PLAG1: variants seen among roughly 807,000 people sequenced by gnomAD.
PLAG1 encodes PLAG1 zinc finger.
PLAG1 carries 7 observed loss-of-function variants against 35.5 expected under a neutral mutation model. That is an observed-to-expected ratio of 0.20 (90% CI 0.11 to 0.37). The LOEUF (loss-of-function observed/expected upper bound fraction) is 0.37, where lower values mean the gene tolerates loss of function less well. Among genes scored for constraint, PLAG1 ranks in the 10% least tolerant of loss-of-function variants. PLAG1 has a pLI of 1.00. For missense variants in PLAG1, 454 were observed against 602.8 expected, an observed-to-expected ratio of 0.75 and a Z score of 2.58; for synonymous variants, 229 against 225.4, an observed-to-expected ratio of 1.02 and a Z score of -0.14.
chr8:56,189,581 G>C (rs1812123966), intron 1 of PLAG1, among the ~76,000 whole-genome samples: 1 of 152,090 alleles, frequency 6.6e-6, no homozygotes, highest in Non-Finnish European at 1.5e-5. Flanking sequence ...CTAGTAAGGA[G>C]GTATCCCAAA....
At chr8:56,174,155 TAGTA>T (rs898558998) in intron 2 of PLAG1, among the ~76,000 whole-genome samples, 1 of 152,204 alleles carries the variant, frequency 6.6e-6, no homozygotes, top group African/African-American at 2.4e-5. Flanking sequence ...AAGATGCCTT[TAGTA>T]AGTAATTCAG....
At chr8:56,191,897 T>C (rs533441206) in intron 1 of PLAG1, among the ~76,000 whole-genome samples, 1 of 151,766 alleles carries the variant, frequency 6.6e-6, no homozygotes, top group Non-Finnish European at 1.5e-5. Flanking sequence ...AAGCATTTCA[T>C]ATTGAGGAAT....
chr8:56,184,919 T>G (rs1474569722), intron 1 of PLAG1, among the ~76,000 whole-genome samples: 1 of 152,102 alleles, frequency 6.6e-6, no homozygotes, highest in East Asian at 1.9e-4. Context: ...TGCACTCCAG[T>G]CTGGGTGACA....
chr8:56,207,059 G>A (rs1270650490), intron 1 of PLAG1, among the ~76,000 whole-genome samples: 5 of 151,832 alleles, frequency 3.3e-5, no homozygotes, highest in Non-Finnish European at 7.4e-5. Context: ...AGTTTCTTCA[G>A]TAAAACTTTT....
chr8:56,201,587 A>C (rs1812554746), intron 1 of PLAG1, among the ~76,000 whole-genome samples: 1 of 152,182 alleles, frequency 6.6e-6, no homozygotes. Context: ...TAAATATATG[A>C]ACTTCAATAT....
intron 1 of PLAG1, among the ~76,000 whole-genome samples, chr8:56,199,730 C>G (rs960308077): frequency 7.0e-6 from 1 of 142,512 alleles, no homozygotes; most frequent in African/African-American, 3.1e-5. Flanking sequence ...TCTCCACCAC[C>G]CCCCCCGATC....
In PLAG1 at chr8:56,186,189, T is replaced by C. The variant is rs556326127; in HGVS notation, c.-321-6676A>G. 7.6e-4 allele frequency among the ~76,000 whole-genome samples: 116 copies of C among 152,286 alleles called. 1 individual carries two copies. The Middle Eastern group carries it at 0.014, about 18-fold the overall frequency. On this transcript the variant is annotated intron_variant, in intron 1 of 4. Coordinates refer to ENST00000316981, the MANE Select transcript of PLAG1 (RefSeq NM_002655.3). ...GGGCTTAAACTTTAAAAATTATTTG[T>C]ATAATTGACAAATTATCTTAAGTGT...
rs1811242354 is a variant in PLAG1 at position 56,162,788 on chromosome 8, T to C, written c.*3455A>G. The C allele has an allele frequency of 4.7e-6, 1 of 212,746 alleles. No homozygotes were observed. Among genetic ancestry groups the C allele is most frequent in the African/African-American group, 2.3e-5 (1 of 44,180 alleles). The allele number at this position is 212,746 out of a possible 1,614,324, so 13.2% of individuals were successfully genotyped here. A position where few individuals can be genotyped will look rare whatever the true frequency, so the allele number is the denominator to read the frequency against. On this transcript the variant is annotated 3_prime_UTR_variant, in exon 5 of 5. Transcript: ENST00000316981. ...CGGCTCTGGCTCATGTTTCAGTCAG[T>C]ATATGGTTTTTAAAAACCGCTACTG... is the stretch of plus-strand genomic sequence containing the variant.
At chr8:56,194,249 G>A (rs1031863908) in intron 1 of PLAG1, among the ~76,000 whole-genome samples, 5 of 151,208 alleles carry the variant, frequency 3.3e-5, no homozygotes, top group Admixed American at 2.0e-4. Flanking sequence ...CCCAGGATGC[G>A]GAGGTTGCAG....
In PLAG1 at chr8:56,161,730, T is replaced by TA. The variant is rs897904780; in HGVS notation, c.*4512dup. 1.7e-4 allele frequency: 39 copies of TA among 228,952 alleles called. No homozygotes were observed. Among genetic ancestry groups the TA allele is most frequent in the African/African-American group, 8.4e-4 (38 of 45,202 alleles). The allele number at this position is 228,952 out of a possible 1,614,324, so 14.2% of individuals were successfully genotyped here. On this transcript the variant is annotated 3_prime_UTR_variant, in exon 5 of 5. Transcript: ENST00000316981. ...CCTAATGTAGTCCTTTTTCTATGGATAAAAAAATACGACTGAATGAGACAG... is the reference window on the plus strand; with the variant it reads ...CCTAATGTAGTCCTTTTTCTATGGATAAAAAAAATACGACTGAATGAGACAG...
Position 56,166,679 on chromosome 8 carries a change from A to G in PLAG1, c.1067T>C (p.Ile356Thr), listed in dbSNP as rs1418890719. The G allele has an allele frequency of 6.2e-7, 1 of 1,613,946 alleles. No individual in the cohort carries two copies. The highest frequency in any genetic ancestry group is 1.7e-5 in the Admixed American group (1 of 59,990). The change falls in exon 5 of 5, where the codon ATT becomes ACT. Residue 356 changes from isoleucine (I) to threonine (T), a missense_variant. By Grantham distance (89) the Ile-to-Thr change is moderately conservative (BLOSUM62 -1). Around this residue, in one of 4 missense-constraint regions of PLAG1, gnomAD observed 271 missense variants for 315.6 expected, o/e 0.86. Transcript: ENST00000316981. ...TTGTAACTCCATCAGGTAACTCTCA[A>G]TTTCCCCCTTTAATGGCTGTTCTTT... ...PEKEQPLKGE[I>T]ESYLMELQGG...
chr8:56,163,854 C>G lies in PLAG1; in HGVS notation c.*2389G>C, dbSNP rs1038730695. 1.1e-5 allele frequency: 2 copies of G among 186,048 alleles called. No homozygotes were observed. Among genetic ancestry groups the G allele is most frequent in the African/African-American group, 4.7e-5 (2 of 42,638 alleles). 11.5% of individuals were successfully genotyped at this position (186,048 alleles called of 1,614,324 possible). A position where few individuals can be genotyped will look rare whatever the true frequency, so the allele number is the denominator to read the frequency against. ...GATGACTTCTTAAGTACATTTTAAA[C>G]AGAATAAAGTAGTGCTTCCACACTT... On this transcript the variant is annotated 3_prime_UTR_variant, in exon 5 of 5. Coordinates refer to ENST00000316981, the MANE Select transcript of PLAG1 (RefSeq NM_002655.3).
At chr8:56,208,625 A>C (rs1344217330) in intron 1 of PLAG1, among the ~76,000 whole-genome samples, 3 of 152,214 alleles carry the variant, frequency 2.0e-5, no homozygotes, top group Non-Finnish European at 4.4e-5. Flanking sequence ...ATGTCTATAA[A>C]TAATAAAAAC....
In PLAG1 at chr8:56,161,217, C is replaced by T. The variant is rs1811188212; in HGVS notation, c.*5026G>A. 1 of 197,386 alleles carries T rather than the reference C, an allele frequency of 5.1e-6. No individual in the cohort carries two copies. Among genetic ancestry groups the T allele is most frequent in the African/African-American group, 2.3e-5 (1 of 43,302 alleles). 12.2% of individuals were successfully genotyped at this position (197,386 alleles called of 1,614,324 possible). On this transcript the variant is annotated 3_prime_UTR_variant, in exon 5 of 5. Transcript: ENST00000316981. The stretch of plus-strand genomic sequence containing the variant: ...GTAGTTTGTGAATACATTTTAAGTA[C>T]ACGATATACATGATAAGCCACTTGA...
intron 1 of PLAG1, among the ~76,000 whole-genome samples, chr8:56,188,970 G>C (rs1791188637): frequency 6.6e-6 from 1 of 152,178 alleles, no homozygotes; most frequent in Non-Finnish European, 1.5e-5. Flanking sequence ...GGAAACTCTT[G>C]GTTCTGTCTG....
Position 56,185,167 on chromosome 8 carries a change from T to C in PLAG1, c.-321-5654A>G, listed in dbSNP as rs10958477. Among the ~76,000 whole-genome samples the C allele has an allele frequency of 3.5e-4, 53 of 152,188 alleles. No homozygotes were observed. In the East Asian group the frequency reaches 7.2e-3, roughly 21 times the overall value. The stretch of plus-strand genomic sequence containing the variant: ...TGTCTAGGAAATGCAAGCTTATCCA[T>C]AGAGGACAGGAAGCAGATCAGAGGT... On this transcript the variant is annotated intron_variant, in intron 1 of 4. Transcript: ENST00000316981.
chr8:56,173,051 T>C (rs959024552), intron 2 of PLAG1, among the ~76,000 whole-genome samples: 2 of 152,182 alleles, frequency 1.3e-5, no homozygotes, highest in Non-Finnish European at 1.5e-5. Flanking sequence ...TTTTTTCCTT[T>C]ATTCTCCAAT....
chr8:56,174,117 T>C (rs976365657), intron 2 of PLAG1, among the ~76,000 whole-genome samples: 13 of 152,190 alleles, frequency 8.5e-5, no homozygotes, highest in Admixed American at 3.3e-4. Flanking sequence ...CCATCAAGCA[T>C]CAAAGCTTTA....
At chr8:56,177,675 A>T (rs1278760022) in intron 2 of PLAG1, among the ~76,000 whole-genome samples, 1 of 152,218 alleles carries the variant, frequency 6.6e-6, no homozygotes, top group Non-Finnish European at 1.5e-5. Flanking sequence ...CATGTAGCAG[A>T]CATTTGATAG....
Sources: gnomAD v4.1 joint callset for allele counts (sites outside exome capture counted in the v4.1 genomes callset) on GRCh38, gnomAD v4.1.1 for gene constraint, gnomAD v4.1.1 regional missense constraint, MANE v1.5 for transcripts, NCBI Gene and HGNC (gene_info 2026-07-23, HGNC 2026-07-21) for gene names.